LCP2: variants seen among roughly 807,000 people sequenced by gnomAD.
The protein encoded by LCP2 is 76 kDa tyrosine phosphoprotein.
Under a neutral mutation model 74.5 loss-of-function variants are expected in LCP2, and 29 were observed. That is an observed-to-expected ratio of 0.39 (90% CI 0.29 to 0.53). The LOEUF is 0.53. LCP2 is among the 20% of genes least tolerant of loss of function. The pLI is 0.72. For synonymous variants in LCP2, 228 were observed against 229.5 expected (o/e 0.99, Z 0.06); for missense variants, 604 against 634.6 (o/e 0.95, Z 0.52).
intron 3 of LCP2, among the ~76,000 whole-genome samples, chr5:170,286,085 T>C (rs1762178338): frequency 6.6e-6 from 1 of 152,218 alleles, no homozygotes; most frequent in Admixed American, 6.5e-5. Context: ...GTTATTTCAG[T>C]TGGGAAAGTA....
rs748274362 is a variant in LCP2 at position 170,256,906 on chromosome 5, CAGA to C, written c.1101-334_1101-332del. Among the ~76,000 whole-genome samples, 14 of 152,236 alleles carry C rather than the reference CAGA, an allele frequency of 9.2e-5. No individual in the cohort carries two copies. The highest frequency in any genetic ancestry group is 2.6e-4 in the Admixed American group (4 of 15,286). Reference sequence around the variant, plus strand: ...TGGGAGAATACAGAAGTCCTCTTCTCAGAAGACTTCCCTTTTGCTAGGAAATTA... The same window carrying C: ...TGGGAGAATACAGAAGTCCTCTTCTCAGACTTCCCTTTTGCTAGGAAATTA... On this transcript the variant is annotated intron_variant, in intron 16 of 20. Coordinates refer to ENST00000046794, the MANE Select transcript of LCP2 (RefSeq NM_005565.5). This position sits in a 1 kb window ranked among gnomAD's most constrained non-coding sequence, Gnocchi z 4.5.
intron 13 of LCP2, 146 bp downstream of exon 13, chr5:170,262,489 C>A: frequency 1.6e-6 from 1 of 618,490 alleles, no homozygotes; most frequent in East Asian, 2.8e-5. Flanking sequence ...ACCTGTGAAG[C>A]CTGAACATCC....
intron 13 of LCP2, among the ~76,000 whole-genome samples, chr5:170,261,866 G>A (rs1185075613): frequency 6.6e-6 from 1 of 152,160 alleles, no homozygotes; most frequent in African/African-American, 2.4e-5. Flanking sequence ...ATCTCATTCT[G>A]TGTTTATTTA....
At chr5:170,266,596 G>A (rs1415632178) in intron 10 of LCP2, among the ~76,000 whole-genome samples, 2 of 152,182 alleles carry the variant, frequency 1.3e-5, no homozygotes, top group African/African-American at 4.8e-5. Flanking sequence ...GGCTTTGGTC[G>A]CTACTCCCAA....
At chr5:170,272,552 T>C (rs962377533) in intron 6 of LCP2, among the ~76,000 whole-genome samples, 1 of 145,964 alleles carries the variant, frequency 6.9e-6, no homozygotes, top group African/African-American at 2.5e-5. Flanking sequence ...TCCAGCAAGA[T>C]AGACTAAATG....
rs1191135412 is a variant in LCP2, at chr5:170,266,877, T to C, written c.703A>G (p.Ile235Val). 1 of 1,613,762 alleles carries C rather than the reference T, an allele frequency of 6.2e-7. No homozygotes were observed. Among genetic ancestry groups the C allele is most frequent in the African/African-American group, 1.3e-5 (1 of 74,890 alleles). ...AGGGGAGGTTTCGTGCTTCTGTCTA[T>C]TGAAGGAGCAGGGACTGGAAGGGGA... ...HKTAKLPAPS[I>V]DRSTKPPLDR... is the part of the protein sequence containing the mutation. Residue 235 changes from isoleucine to valine, a missense_variant, in exon 10 of 21, where the codon ATA (isoleucine) becomes GTA (valine). Physicochemically the swap from Ile to Val is conservative, Grantham distance 29. Transcript: ENST00000046794.
At chr5:170,261,952 T>C (rs1167942700) in intron 13 of LCP2, among the ~76,000 whole-genome samples, 1 of 152,234 alleles carries the variant, frequency 6.6e-6, no homozygotes, top group Non-Finnish European at 1.5e-5. Context: ...TAAAATGTTA[T>C]CAAACTCCAT....
intron 2 of LCP2, 87 bp downstream of exon 2, chr5:170,293,223 G>C: frequency 7.5e-7 from 1 of 1,328,190 alleles, no homozygotes; most frequent in South Asian, 1.3e-5. Flanking sequence ...GTGTCCCCAG[G>C]GAAAGGGTAG....
chr5:170,274,824 A>C (rs1268393128), intron 5 of LCP2, among the ~76,000 whole-genome samples: 4 of 152,048 alleles, frequency 2.6e-5, no homozygotes, highest in Admixed American at 6.6e-5. Flanking sequence ...AAAATACAAA[A>C]AAAGTAGCTG....
intron 2 of LCP2, among the ~76,000 whole-genome samples, chr5:170,291,395 A>C (rs1050703140): frequency 6.6e-6 from 1 of 152,214 alleles, no homozygotes; most frequent in Non-Finnish European, 1.5e-5. Context: ...GGTGGGTTTC[A>C]GCAGAAGCTG....
intron 13 of LCP2, among the ~76,000 whole-genome samples, chr5:170,261,797 G>A (rs1463148683): frequency 6.6e-6 from 1 of 152,194 alleles, no homozygotes; most frequent in African/African-American, 2.4e-5. Context: ...TGGGGAGAAG[G>A]GGAAGAGCTG....
At chr5:170,261,468 C>T (rs2338868) in intron 13 of LCP2, among the ~76,000 whole-genome samples, 2 of 62,790 alleles carry the variant, frequency 3.2e-5, no homozygotes, top group Non-Finnish European at 5.9e-5. Flanking sequence ...TGTATATACA[C>T]ACACACACAC....
chr5:170,258,954 A>G, intron 14 of LCP2, 76 bp from the exon 15 acceptor site: 1 of 854,918 alleles, frequency 1.2e-6, no homozygotes, highest in South Asian at 1.5e-5. Context: ...TGCATTTCTC[A>G]ATCAAATAAA....
intron 16 of LCP2, 37 bp downstream of exon 16, chr5:170,258,000 T>G: frequency 3.1e-6 from 5 of 1,607,076 alleles, no homozygotes; most frequent in Middle Eastern, 1.7e-4. Context: ...GACCTAAACA[T>G]TATATTAAGC....
intron 5 of LCP2, among the ~76,000 whole-genome samples, chr5:170,274,932 G>C (rs940090171): frequency 1.4e-4 from 21 of 150,696 alleles, no homozygotes; most frequent in Non-Finnish European, 2.7e-4. Flanking sequence ...AGCCGAGATC[G>C]TGCCACTGCA....
At chr5:170,283,621 T>C (rs1432176760) in intron 3 of LCP2, among the ~76,000 whole-genome samples, 1 of 152,172 alleles carries the variant, frequency 6.6e-6, no homozygotes, top group Non-Finnish European at 1.5e-5. Context: ...TTTACCTTGA[T>C]GCTCACTTCA....
At position 170,256,719 on chromosome 5, in the gene LCP2, C is replaced by A; in HGVS notation, c.1101-144G>T. The A allele has an allele frequency of 4.4e-6, 3 of 676,928 alleles. No individual in the cohort carries two copies. The highest frequency in any genetic ancestry group is 1.6e-5 in the South Asian group (1 of 61,744). The allele number at this position is 676,928 out of a possible 1,614,324, so 41.9% of individuals were successfully genotyped here. On this transcript the variant is annotated intron_variant, in intron 16 of 20. Coordinates refer to ENST00000046794, the MANE Select transcript of LCP2 (RefSeq NM_005565.5). This position sits in a 1 kb window ranked among gnomAD's most constrained non-coding sequence, Gnocchi z 4.5. ...TGCCCCCAAAACCATGGGGGCTGGG[C>A]ACAGGGACAGAACACAGCACACAGG... is the stretch of plus-strand genomic sequence containing the variant.
At chr5:170,274,073 T>C in intron 6 of LCP2, 1 of 565,980 alleles carries the variant, frequency 1.8e-6, no homozygotes, top group Non-Finnish European at 3.2e-6. Context: ...CTGTGGCTGC[T>C]TTTGTGCTCC....
In LCP2 at chr5:170,256,066, G is replaced by A. The variant is rs192018375; in HGVS notation, c.1150+460C>T. Among the ~76,000 whole-genome samples the A allele has an allele frequency of 3.9e-5, 6 of 152,350 alleles. No individual in the cohort carries two copies. The highest frequency in any genetic ancestry group is 1.4e-4 in the African/African-American group (6 of 41,574). On this transcript the variant is annotated intron_variant, in intron 17 of 20. Transcript: ENST00000046794. The surrounding 1 kb of genome is among the most constrained non-coding windows in gnomAD (Gnocchi z 4.5). Reference sequence around the variant, plus strand: ...AGAGAAAGGCAAACAGGATTCTGAGGATTCCGTAGGGAAACCGGAGCTGGA... The same window carrying A: ...AGAGAAAGGCAAACAGGATTCTGAGAATTCCGTAGGGAAACCGGAGCTGGA...
Sources: gnomAD v4.1 joint callset for allele counts (sites outside exome capture counted in the v4.1 genomes callset) on GRCh38, gnomAD v4.1.1 for gene constraint, Gnocchi (gnomAD v3.1) non-coding constraint, MANE v1.5 for transcripts, NCBI Gene and HGNC (gene_info 2026-07-23, HGNC 2026-07-21) for gene names.